The following LAMA3 variants were observed in gnomAD, a reference collection of about 807,000 sequenced individuals.
LAMA3 encodes laminin subunit alpha 3, also known as laminin subunit alpha-3.
LAMA3 carries 281 observed loss-of-function variants against 402.0 expected under a neutral mutation model. That is an observed-to-expected ratio of 0.70 (90% CI 0.63 to 0.77). The LOEUF (loss-of-function observed/expected upper bound fraction) is 0.77, where lower values mean the gene tolerates loss of function less well. LAMA3 is among the 30% of genes least tolerant of loss of function. The pLI, the probability that LAMA3 is intolerant of heterozygous loss-of-function variation, is 0.00. For missense variants in LAMA3, 3,840 were observed against 4,215.5 expected (o/e 0.91, Z 2.47); for synonymous variants, 1,431 against 1,558.4 (o/e 0.92, Z 1.93).
At chr18:23,709,615 G>A (rs1262522331) in intron 1 of LAMA3, among the ~76,000 whole-genome samples, 1 of 152,034 alleles carries the variant, frequency 6.6e-6, no homozygotes, top group Non-Finnish European at 1.5e-5. Context: ...AAGCAGTAAA[G>A]TTGGTATAAG....
At chr18:23,838,727 G>T (rs919277521) in intron 25 of LAMA3, 54 bp from the exon 26 acceptor site, 4 of 964,826 alleles carry the variant, frequency 4.1e-6, no homozygotes, top group South Asian at 1.3e-5. Flanking sequence ...TGGCCATACC[G>T]TTTGTTTTGC....
At chr18:23,861,844 G>A (rs748431672) in intron 35 of LAMA3, 37 bp downstream of exon 35, 1 of 1,586,296 alleles carries the variant, frequency 6.3e-7, no homozygotes, top group Non-Finnish European at 8.6e-7. Flanking sequence ...GCCCTCAGTG[G>A]GCCTCTGCTA....
At chr18:23,863,511 A>C (rs2064277533) in intron 35 of LAMA3, among the ~76,000 whole-genome samples, 2 of 152,210 alleles carry the variant, frequency 1.3e-5, no homozygotes, top group Admixed American at 1.3e-4. Context: ...AGTGCAAAGA[A>C]TTTGTGGCCA....
chr18:23,945,231 AG>A (rs2082669024), intron 69 of LAMA3, among the ~76,000 whole-genome samples: 1 of 152,252 alleles, frequency 6.6e-6, no homozygotes, highest in Non-Finnish European at 1.5e-5. Flanking sequence ...GAGTAGCAGC[AG>A]GGGGCCCACA....
chr18:23,708,814 T>C (rs967440027), intron 1 of LAMA3, among the ~76,000 whole-genome samples: 2 of 151,940 alleles, frequency 1.3e-5, no homozygotes, highest in Non-Finnish European at 2.9e-5. Flanking sequence ...TGGAGTGCAA[T>C]TGTGTGATCA....
chr18:23,690,066 A>C, intron 1 of LAMA3, 89 bp downstream of exon 1: 1 of 1,084,122 alleles, frequency 9.2e-7, no homozygotes, highest in Non-Finnish European at 1.2e-6. Context: ...CCCTTTCCTC[A>C]CGCGCGCTAG....
At chr18:23,818,239 A>G (rs2063216219) in intron 18 of LAMA3, among the ~76,000 whole-genome samples, 1 of 152,246 alleles carries the variant, frequency 6.6e-6, no homozygotes, top group Admixed American at 6.5e-5. Flanking sequence ...CTACTTAACC[A>G]GCAAACATTT....
intron 12 of LAMA3, among the ~76,000 whole-genome samples, chr18:23,790,190 A>T (rs149509168): frequency 6.6e-6 from 1 of 152,304 alleles, no homozygotes; most frequent in East Asian, 1.9e-4. Context: ...GATCTAGGAC[A>T]TCAAGAAGCA....
At chr18:23,860,693 A>T (rs957132242) in intron 34 of LAMA3, among the ~76,000 whole-genome samples, 3 of 136,696 alleles carry the variant, frequency 2.2e-5, no homozygotes, top group South Asian at 2.4e-4. Flanking sequence ...TCAAAAAAAG[A>T]TTTTTTTTTT....
At chr18:23,881,842 T>G in intron 39 of LAMA3, 94 bp from the exon 40 acceptor site, 17 of 793,348 alleles carry the variant, frequency 2.1e-5, no homozygotes, top group Non-Finnish European at 2.8e-5. Flanking sequence ...TCAGAGGACT[T>G]GAGTTGTAGT....
chr18:23,794,698 A>G (rs1356198209), intron 12 of LAMA3, among the ~76,000 whole-genome samples: 1 of 152,180 alleles, frequency 6.6e-6, no homozygotes, highest in Non-Finnish European at 1.5e-5. Flanking sequence ...CACTACGTGA[A>G]ATTGAAAAGG....
Position 23,847,615 on chromosome 18 carries a change from G to A in LAMA3, c.4083G>A (p.Arg1361=), listed in dbSNP as rs755450998. 1 of 1,614,092 alleles carries A rather than the reference G, an allele frequency of 6.2e-7. No homozygotes were observed. Among genetic ancestry groups the A allele is most frequent in the South Asian group, 1.1e-5 (1 of 91,078 alleles). The change falls in exon 32 of 75, where the codon AGG becomes AGA. Residue 1361 remains arginine (R), a synonymous_variant. Transcript: ENST00000313654. ...AGCEGCNCSR[R]GTIEAAMPEC... ...GCGAAGGCTGCAACTGTTCCAGGAGGGGCACCATCGAGGCTGCCATGCCGG... is the reference window on the plus strand; with the variant it reads ...GCGAAGGCTGCAACTGTTCCAGGAGAGGCACCATCGAGGCTGCCATGCCGG...
intron 25 of LAMA3, chr18:23,837,352 T>C: frequency 2.3e-6 from 1 of 428,170 alleles, no homozygotes; most frequent in South Asian, 2.5e-5. Flanking sequence ...ATTTCTACTA[T>C]TATAAAGAAA....
intron 67 of LAMA3, 123 bp from the exon 68 acceptor site, chr18:23,939,100 G>T: frequency 1.0e-6 from 1 of 999,908 alleles, no homozygotes; most frequent in African/African-American, 1.6e-5. Flanking sequence ...ATGGTACCAG[G>T]CCTTCTATTG....
chr18:23,782,769 G>T (rs1352200141), intron 11 of LAMA3, among the ~76,000 whole-genome samples: 1 of 150,874 alleles, frequency 6.6e-6, no homozygotes, highest in Non-Finnish European at 1.5e-5. Context: ...GTGAACTTGG[G>T]GAAGTTAATT....
intron 2 of LAMA3, among the ~76,000 whole-genome samples, chr18:23,716,780 C>T (rs1052478357): frequency 4.6e-5 from 7 of 152,186 alleles, no homozygotes; most frequent in Admixed American, 4.6e-4. Flanking sequence ...CTGGAGTCAG[C>T]CTGGCCAGTT....
At chr18:23,783,392 G>A (rs1424982573) in intron 11 of LAMA3, among the ~76,000 whole-genome samples, 2 of 152,092 alleles carry the variant, frequency 1.3e-5, no homozygotes, top group African/African-American at 2.4e-5. Context: ...CTGGTCAGGG[G>A]GACCTTCTGA....
At chr18:23,722,305 C>T (rs1205357571) in intron 2 of LAMA3, among the ~76,000 whole-genome samples, 1 of 152,164 alleles carries the variant, frequency 6.6e-6, no homozygotes, top group African/African-American at 2.4e-5. Flanking sequence ...TCCCTCTGAG[C>T]TGTTTCTGTT....
intron 24 of LAMA3, among the ~76,000 whole-genome samples, chr18:23,835,500 T>G (rs1239351340): frequency 6.6e-6 from 1 of 152,184 alleles, no homozygotes; most frequent in Admixed American, 6.5e-5. Context: ...AGTCTGCAGA[T>G]CATTTTGGCT....
Sources: gnomAD v4.1 joint callset for allele counts (sites outside exome capture counted in the v4.1 genomes callset) on GRCh38, gnomAD v4.1.1 for gene constraint, MANE v1.5 for transcripts, NCBI Gene and HGNC (gene_info 2026-07-23, HGNC 2026-07-21) for gene names.